NPAS3: variants seen among roughly 807,000 people sequenced by gnomAD.
NPAS3 encodes the protein neuronal PAS domain protein 3.
A neutral mutation model predicts 73.1 loss-of-function variants in NPAS3; 14 were observed. That is an observed-to-expected ratio of 0.19 (90% CI 0.13 to 0.30). NPAS3 has a LOEUF of 0.30. NPAS3 is among the 10% of genes least tolerant of loss of function. The pLI, the probability that NPAS3 is intolerant of heterozygous loss-of-function variation, is 1.00. For synonymous variants in NPAS3, 620 were observed against 541.5 expected, an observed-to-expected ratio of 1.14 and a Z score of -2.01; for missense variants, 1,096 against 1,250.0, an observed-to-expected ratio of 0.88 and a Z score of 1.86.
At chr14:33,230,769 C>G (rs373008498) in intron 3 of NPAS3, among the ~76,000 whole-genome samples, 1 of 152,096 alleles carries the variant, frequency 6.6e-6, no homozygotes. Flanking sequence ...TTAAAATATA[C>G]GTTCTTTTCA....
chr14:33,303,608 CATAGATTG>C (rs1022444316), intron 3 of NPAS3, among the ~76,000 whole-genome samples: 10 of 152,120 alleles, frequency 6.6e-5, no homozygotes, highest in Non-Finnish European at 1.2e-4. Context: ...TATTAGCAAG[CATAGATTG>C]ATAGATTCTT....
chr14:33,665,303 G>A (rs996802787), intron 5 of NPAS3, among the ~76,000 whole-genome samples: 1 of 151,722 alleles, frequency 6.6e-6, no homozygotes, highest in South Asian at 2.1e-4. Flanking sequence ...CAGGGGGTCG[G>A]GGGCTAGGGG....
At chr14:33,210,016 C>T (rs1302546398) in intron 2 of NPAS3, among the ~76,000 whole-genome samples, 3 of 152,076 alleles carry the variant, frequency 2.0e-5, no homozygotes, top group Non-Finnish European at 4.4e-5. Flanking sequence ...GAGGAAGAAA[C>T]ATTTGGTTAA....
At chr14:33,286,228 A>G (rs2041867675) in intron 3 of NPAS3, among the ~76,000 whole-genome samples, 2 of 152,194 alleles carry the variant, frequency 1.3e-5, no homozygotes, top group African/African-American at 4.8e-5. Context: ...CACAGGTCCT[A>G]CATAGATCAA....
intron 2 of NPAS3, among the ~76,000 whole-genome samples, chr14:33,134,893 G>A (rs895720756): frequency 2.0e-5 from 3 of 151,738 alleles, no homozygotes; most frequent in Non-Finnish European, 4.4e-5. Flanking sequence ...CTGGTTAAAG[G>A]AGAGGCATTC....
chr14:33,249,440 A>G (rs2048502336), intron 3 of NPAS3, among the ~76,000 whole-genome samples: 1 of 151,510 alleles, frequency 6.6e-6, no homozygotes, highest in South Asian at 2.1e-4. Flanking sequence ...GCACTGGGCC[A>G]TATTTATTCA....
rs149883620 is a variant in NPAS3, at chr14:33,220,964, A to C, written c.385+5538A>C. On this transcript the variant is annotated intron_variant, in intron 3 of 11. Transcript: ENST00000356141. ...TGTCCTTGTCAACTATTGCCAGAGA[A>C]CAAGCAATCACAACATCTAAGTGGC... Among the ~76,000 whole-genome samples the C allele has an allele frequency of 1.4e-3, 208 of 152,304 alleles. 4 individuals are homozygous for C. The highest frequency in any genetic ancestry group is 4.6e-3 in the African/African-American group (192 of 41,556).
At chr14:33,525,266 T>C (rs990352137) in intron 4 of NPAS3, among the ~76,000 whole-genome samples, 3 of 152,192 alleles carry the variant, frequency 2.0e-5, no homozygotes, top group East Asian at 1.9e-4. Context: ...CTTGGATGTT[T>C]TATAATTTTG....
intron 1 of NPAS3, among the ~76,000 whole-genome samples, chr14:32,996,278 A>T (rs2038566592): frequency 6.6e-6 from 1 of 152,204 alleles, no homozygotes; most frequent in South Asian, 2.1e-4. Flanking sequence ...CAGTTTTATA[A>T]GGAAAAAAGA....
intron 2 of NPAS3, among the ~76,000 whole-genome samples, chr14:33,175,743 G>T (rs1448100987): frequency 6.6e-6 from 1 of 152,132 alleles, no homozygotes; most frequent in Non-Finnish European, 1.5e-5. Context: ...CCAATGGGAT[G>T]ACATCATATT....
At chr14:33,257,078 C>T (rs2048804174) in intron 3 of NPAS3, among the ~76,000 whole-genome samples, 1 of 152,174 alleles carries the variant, frequency 6.6e-6, no homozygotes, top group Non-Finnish European at 1.5e-5. Context: ...GACTTTCTTT[C>T]CCACTGGGCG....
chr14:33,696,549 G>C (rs771660049), intron 6 of NPAS3, among the ~76,000 whole-genome samples: 2 of 152,182 alleles, frequency 1.3e-5, no homozygotes, highest in Non-Finnish European at 2.9e-5. Context: ...TTTGTCTTGT[G>C]ATTTTTATGT....
chr14:33,412,812 A>G (rs1485863035), intron 4 of NPAS3, among the ~76,000 whole-genome samples: 1 of 152,204 alleles, frequency 6.6e-6, no homozygotes, highest in East Asian at 1.9e-4. Flanking sequence ...CTTTGGGAGT[A>G]AGTTGTAAAC....
At chr14:33,786,580 G>A (rs2063181557) in intron 9 of NPAS3, among the ~76,000 whole-genome samples, 1 of 152,196 alleles carries the variant, frequency 6.6e-6, no homozygotes, top group Non-Finnish European at 1.5e-5. Flanking sequence ...GGTGAAGAAT[G>A]CACCCAGCCC....
At chr14:33,182,370 A>G (rs897292272) in intron 2 of NPAS3, among the ~76,000 whole-genome samples, 3 of 152,120 alleles carry the variant, frequency 2.0e-5, no homozygotes, top group East Asian at 3.9e-4. Flanking sequence ...TTTGTTTTCT[A>G]TTGTATTTCT....
intron 3 of NPAS3, among the ~76,000 whole-genome samples, chr14:33,339,347 G>A: frequency 6.6e-6 from 1 of 152,064 alleles, no homozygotes; most frequent in East Asian, 1.9e-4. Flanking sequence ...CTGGGGGTGG[G>A]GAAGCAGTGG....
intron 5 of NPAS3, among the ~76,000 whole-genome samples, chr14:33,596,472 C>T (rs1205724497): frequency 3.3e-5 from 5 of 152,182 alleles, no homozygotes; most frequent in African/African-American, 1.2e-4. Context: ...CTAATGGAGA[C>T]AGATGGGAAT....
chr14:33,751,829 A>T (rs1333540145), intron 7 of NPAS3, among the ~76,000 whole-genome samples: 1 of 152,218 alleles, frequency 6.6e-6, no homozygotes, highest in African/African-American at 2.4e-5. Context: ...TTGTCCCAGT[A>T]AGATCTGTGC....
chr14:33,038,540 C>T (rs866034975), intron 1 of NPAS3, among the ~76,000 whole-genome samples: 7 of 144,694 alleles, frequency 4.8e-5, no homozygotes, highest in Non-Finnish European at 9.1e-5. Context: ...CATATATACA[C>T]ATATATATAT....
Sources: gnomAD v4.1 joint callset for allele counts (sites outside exome capture counted in the v4.1 genomes callset) on GRCh38, gnomAD v4.1.1 for gene constraint, MANE v1.5 for transcripts, NCBI Gene and HGNC (gene_info 2026-07-23, HGNC 2026-07-21) for gene names.